Variants in EXTL1 observed in about 807,000 individuals in gnomAD.
EXTL1 encodes the protein exostosin-like 1.
Under a neutral mutation model 64.6 loss-of-function variants are expected in EXTL1, and 43 were observed. That is an observed-to-expected ratio of 0.67 (90% CI 0.52 to 0.86). EXTL1 has a LOEUF of 0.86. EXTL1 is among the 40% of genes least tolerant of loss of function. EXTL1 has a pLI of 0.00. For synonymous variants in EXTL1, 352 were observed against 360.5 expected, an observed-to-expected ratio of 0.98 and a Z score of 0.27; for missense variants, 766 against 879.0, an observed-to-expected ratio of 0.87 and a Z score of 1.62.
At chr1:26,031,587 G>T (rs1485933782) in intron 6 of EXTL1, 21 bp downstream of exon 6, 12 of 1,438,876 alleles carry the variant, frequency 8.3e-6, no homozygotes, top group Non-Finnish European at 5.7e-6. Context: ...TTCCCAGCTG[G>T]AGTCCTGGGA....
At chr1:26,027,228 T>C (rs2050225910) in intron 1 of EXTL1, among the ~76,000 whole-genome samples, 1 of 152,144 alleles carries the variant, frequency 6.6e-6, no homozygotes, top group Non-Finnish European at 1.5e-5. Flanking sequence ...TTGACACACA[T>C]TGTTAAGCAG....
chr1:26,030,677 T>G, intron 4 of EXTL1, 82 bp downstream of exon 4: 1 of 1,452,342 alleles, frequency 6.9e-7, no homozygotes, highest in Non-Finnish European at 9.2e-7. Context: ...TCTGCCACAG[T>G]GTTTGGGGAA....
intron 3 of EXTL1, among the ~76,000 whole-genome samples, chr1:26,030,200 AT>A (rs1408440483): frequency 6.6e-6 from 1 of 152,082 alleles, no homozygotes; most frequent in South Asian, 2.1e-4. Context: ...AGTAATTACC[AT>A]TTTTTTAATT....
At position 26,022,853 on chromosome 1, in the gene EXTL1, T is replaced by C. The variant is rs761039425; in HGVS notation, c.207T>C (p.Val69=). 7.4e-6 allele frequency: 12 copies of C among 1,613,916 alleles called. No individual in the cohort carries two copies. The highest frequency in any genetic ancestry group is 9.3e-6 in the Non-Finnish European group (11 of 1,180,014). Reference sequence around the variant, plus strand: ...CTGGAGAGCTCCCAGAAGATGCCGTTTCACCTCCTCAAGCCCCTCATGGTG... The same window carrying C: ...CTGGAGAGCTCCCAGAAGATGCCGTCTCACCTCCTCAAGCCCCTCATGGTG... ...SQPGELPEDA[V]SPPQAPHGGS... is the part of the protein sequence containing the mutation. The change falls in exon 1 of 11, where the codon GTT becomes GTC. Residue 69 remains valine, a synonymous_variant. Coordinates refer to ENST00000374280, the MANE Select transcript of EXTL1 (RefSeq NM_004455.3).
chr1:26,034,004 A>G lies in EXTL1; in HGVS notation c.1679+148A>G. The G allele has an allele frequency of 1.5e-6, 1 of 685,772 alleles. No individual in the cohort carries two copies. Among genetic ancestry groups the G allele is most frequent in the Non-Finnish European group, 2.3e-6 (1 of 435,248 alleles). The allele number at this position is 685,772 out of a possible 1,614,324, so 42.5% of individuals were successfully genotyped here. A position where few individuals can be genotyped will look rare whatever the true frequency, so the allele number is the denominator to read the frequency against. On this transcript the variant is annotated intron_variant, in intron 9 of 10. Transcript: ENST00000374280. The surrounding 1 kb of genome is among the most constrained non-coding windows in gnomAD (Gnocchi z 4.6). ...TTCCCAGCTGTGGGATCCTGGGCAAATCTCCTCACTTCTCTAGAGTTTGTT... is the reference window on the plus strand; with the variant it reads ...TTCCCAGCTGTGGGATCCTGGGCAAGTCTCCTCACTTCTCTAGAGTTTGTT...
At chr1:26,030,366 T>TCAGG in intron 3 of EXTL1, 110 bp from the exon 4 acceptor site, 1 of 674,476 alleles carries the variant, frequency 1.5e-6, no homozygotes, top group Non-Finnish European at 2.3e-6. Context: ...AGGATCTTGC[T>TCAGG]CTGTTGCTCA....
At position 26,033,689 on chromosome 1, in the gene EXTL1, T is replaced by C. The variant is rs778076497; in HGVS notation, c.1519-7T>C. ...CTTCCTCACAGCTCACTTGAGTCCC[T>C]CCCCAGGTGGACTTTGCCTTTCTGG... On this transcript the variant is annotated splice_region_variant and splice_polypyrimidine_tract_variant and intron_variant, in intron 8 of 10. Transcript: ENST00000374280. The surrounding 1 kb of genome is among the most constrained non-coding windows in gnomAD (Gnocchi z 5.1). The C allele has an allele frequency of 6.8e-6, 11 of 1,613,378 alleles. No homozygotes were observed. In the East Asian group the frequency reaches 2.2e-4, roughly 33 times the overall value.
At chr1:26,030,692 C>CCG in intron 4 of EXTL1, 97 bp downstream of exon 4, 11 of 1,368,012 alleles carry the variant, frequency 8.0e-6, no homozygotes, top group Non-Finnish European at 1.1e-5. Context: ...GGGGAACCCC[C>CCG]CCCCCTTCCT....
rs773802688 is a variant in EXTL1 at position 26,034,837 on chromosome 1, T to C, written c.1681T>C (p.Tyr561His). Residue 561 changes from tyrosine to histidine, a missense_variant and splice_region_variant, in exon 10 of 11, where the codon TAT becomes CAT. By Grantham distance (83) the Tyr-to-His change is moderately conservative. Around this residue, in one of 3 missense-constraint regions of EXTL1, gnomAD observed 194 missense variants for 214.5 expected, o/e 0.90. Transcript: ENST00000374280. This position sits in a 1 kb window ranked among gnomAD's most constrained non-coding sequence, Gnocchi z 4.6. ...TCCCTGTCTTTTCCTCTTGCCCAGGTATTACCACACTCTCTTCACCCACTC... is the reference window on the plus strand; with the variant it reads ...TCCCTGTCTTTTCCTCTTGCCCAGGCATTACCACACTCTCTTCACCCACTC... ...VLTTAAFYHR[Y>H]YHTLFTHSLP... 1 of 1,613,192 alleles carries C rather than the reference T, an allele frequency of 6.2e-7. No homozygotes were observed.
chr1:26,027,253 G>A (rs1307463581), intron 1 of EXTL1, among the ~76,000 whole-genome samples: 5 of 152,250 alleles, frequency 3.3e-5, no homozygotes, highest in East Asian at 1.9e-4. Context: ...AGGCTGCACC[G>A]GCTGCCTCCC....
intron 4 of EXTL1, 24 bp downstream of exon 4, chr1:26,030,619 G>T (rs750783584): frequency 1.9e-6 from 3 of 1,591,610 alleles, no homozygotes; most frequent in African/African-American, 1.3e-5. Flanking sequence ...CCTGATGGGG[G>T]TCCTGGCTCT....
rs2050313945 is a variant in EXTL1, at chr1:26,033,952, T to C, written c.1679+96T>C. 3.4e-6 allele frequency: 4 copies of C among 1,190,954 alleles called. No homozygotes were observed. Among genetic ancestry groups the C allele is most frequent in the East Asian group, 5.6e-5 (2 of 35,402 alleles). 73.8% of individuals were successfully genotyped at this position (1,190,954 alleles called of 1,614,324 possible). A position where few individuals can be genotyped will look rare whatever the true frequency, so the allele number is the denominator to read the frequency against. ...AGCAGAGTGGCCTAGACCCCAGGGA[T>C]CCAGGTTCAAGGCCGAGATCTGCCA... On this transcript the variant is annotated intron_variant, in intron 9 of 10. Transcript: ENST00000374280. This position sits in a 1 kb window ranked among gnomAD's most constrained non-coding sequence, Gnocchi z 5.1.
rs977265497 is a variant in EXTL1 at position 26,035,431 on chromosome 1, G to A, written c.*84G>A. ...GCCTGCCGGCGGGCTCCGCTCTTGG[G>A]ACACCGGAGAACCTATCATGTCAGC... On this transcript the variant is annotated 3_prime_UTR_variant, in exon 11 of 11. Transcript: ENST00000374280. This position sits in a 1 kb window ranked among gnomAD's most constrained non-coding sequence, Gnocchi z 5.3. The A allele has an allele frequency of 6.2e-6, 8 of 1,291,380 alleles. No homozygotes were observed. The highest frequency in any genetic ancestry group is 8.5e-6 in the Non-Finnish European group (8 of 942,464). The allele number at this position is 1,291,380 out of a possible 1,614,324, so 80.0% of individuals were successfully genotyped here. A position where few individuals can be genotyped will look rare whatever the true frequency, so the allele number is the denominator to read the frequency against.
chr1:26,030,504 C>T lies in EXTL1; in HGVS notation c.1010C>T (p.Pro337Leu), dbSNP rs763640855. ...CTGGCTGCCCTCCAGGAGATGTCCC[C>T]TGCACGGGTCCTCGCCCTGCGTCAG... The part of the protein sequence containing the change: ...QVLAALQEMS[P>L]ARVLALRQQT... The change falls in exon 4 of 11, where the codon CCT becomes CTT. Residue 337 changes from proline (P) to leucine (L), a missense_variant. By Grantham distance (98) the Pro-to-Leu change is moderately conservative. Transcript: ENST00000374280. 6.2e-7 allele frequency: 1 copy of T among 1,613,316 alleles called. No individual in the cohort carries two copies. Among genetic ancestry groups the T allele is most frequent in the Admixed American group, 1.7e-5 (1 of 60,022 alleles).
intron 1 of EXTL1, among the ~76,000 whole-genome samples, chr1:26,024,156 A>C (rs2050189504): frequency 6.6e-6 from 1 of 152,168 alleles, no homozygotes; most frequent in South Asian, 2.1e-4. Flanking sequence ...GTGAGCTTGT[A>C]CAGAAACTCT....
Position 26,030,467 on chromosome 1 carries a change from C to T in EXTL1, c.982-9C>T, listed in dbSNP as rs531922117. The T allele has an allele frequency of 1.9e-6, 3 of 1,606,744 alleles. No individual in the cohort carries two copies. In the Admixed American group the frequency reaches 5.0e-5, roughly 27 times the overall value. Reference sequence around the variant, plus strand: ...TATTACCTGGCACTTTTCTCCCTCTCTGCTCCAGGTCCTGGCTGCCCTCCA... The same window carrying T: ...TATTACCTGGCACTTTTCTCCCTCTTTGCTCCAGGTCCTGGCTGCCCTCCA... On this transcript the variant is annotated splice_polypyrimidine_tract_variant and intron_variant, in intron 3 of 10. Coordinates refer to ENST00000374280, the MANE Select transcript of EXTL1 (RefSeq NM_004455.3).
At position 26,031,051 on chromosome 1, in the gene EXTL1, A is replaced by T. The variant is rs540085680; in HGVS notation, c.1102-81A>T. The stretch of plus-strand genomic sequence containing the variant: ...CCAGGGGTCTGGTGATGCAGCTGCC[A>T]CCCTCCCCAGAGCCTGGAAGGGGAG... On this transcript the variant is annotated intron_variant, in intron 4 of 10. Transcript: ENST00000374280. 20 of 1,559,148 alleles carry T rather than the reference A, an allele frequency of 1.3e-5. No individual in the cohort carries two copies. In the African/African-American group the frequency reaches 2.3e-4, roughly 18 times the overall value.
chr1:26,024,758 G>A (rs1013428131), intron 1 of EXTL1, among the ~76,000 whole-genome samples: 1 of 152,178 alleles, frequency 6.6e-6, no homozygotes. Context: ...CCTTTGCCAT[G>A]CCCTCCCTCA....
chr1:26,034,802 C>T lies in EXTL1; in HGVS notation c.1680-34C>T, dbSNP rs1486830984. On this transcript the variant is annotated intron_variant, in intron 9 of 10. Coordinates refer to ENST00000374280, the MANE Select transcript of EXTL1 (RefSeq NM_004455.3). This position sits in a 1 kb window ranked among gnomAD's most constrained non-coding sequence, Gnocchi z 4.6. ...GAATGGGGCCTGGGGATGGATTTGGCTGCAGCCTCTCCCTGTCTTTTCCTC... is the reference window on the plus strand; with the variant it reads ...GAATGGGGCCTGGGGATGGATTTGGTTGCAGCCTCTCCCTGTCTTTTCCTC... The T allele has an allele frequency of 1.3e-6, 2 of 1,599,372 alleles. No individual in the cohort carries two copies. The highest frequency in any genetic ancestry group is 1.7e-6 in the Non-Finnish European group (2 of 1,169,570).
Sources: allele counts gnomAD v4.1 joint callset (sites outside exome capture counted in the v4.1 genomes callset), GRCh38; gene constraint gnomAD v4.1.1; regional missense constraint gnomAD v4.1.1; non-coding constraint Gnocchi (gnomAD v3.1); transcripts MANE v1.5; gene names NCBI Gene and HGNC (gene_info 2026-07-23, HGNC 2026-07-21).